Variants in FAM193A observed in about 807,000 individuals in gnomAD.
FAM193A encodes the protein protein FAM193A.
FAM193A carries 22 observed loss-of-function variants against 126.5 expected under a neutral mutation model. The ratio of observed to expected loss-of-function variants is 0.17; its 90% CI spans 0.12 to 0.25. The LOEUF is 0.25. FAM193A is among the 10% of genes least tolerant of loss of function. The pLI, the probability that FAM193A is intolerant of heterozygous loss-of-function variation, is 1.00. For synonymous variants in FAM193A, 761 were observed against 646.8 expected, an observed-to-expected ratio of 1.18 and a Z score of -2.68; for missense variants, 1,675 against 1,672.8, an observed-to-expected ratio of 1.00 and a Z score of -0.02.
chr4:2,652,579 T>C (rs1577141756), intron 7 of FAM193A, among the ~76,000 whole-genome samples: 1 of 150,398 alleles, frequency 6.6e-6, no homozygotes, highest in African/African-American at 2.5e-5. Flanking sequence ...GGTGGGGAGG[T>C]GCTACACACT....
chr4:2,714,095 G>A (rs913639729), intron 19 of FAM193A, among the ~76,000 whole-genome samples: 2 of 152,074 alleles, frequency 1.3e-5, no homozygotes, highest in African/African-American at 2.4e-5. Context: ...TCCTCAAGTT[G>A]GAGCTCTTTT....
At chr4:2,723,015 T>C (rs1385514432) in intron 20 of FAM193A, among the ~76,000 whole-genome samples, 2 of 152,180 alleles carry the variant, frequency 1.3e-5, no homozygotes, top group African/African-American at 4.8e-5. Flanking sequence ...GGCTCGCACC[T>C]GTAATCCCAG....
At chr4:2,637,911 G>C (rs138998460) in intron 5 of FAM193A, among the ~76,000 whole-genome samples, 20 of 152,346 alleles carry the variant, frequency 1.3e-4, no homozygotes, top group African/African-American at 4.8e-4. Flanking sequence ...TGTGAAGTGA[G>C]TCTGATATCT....
At chr4:2,638,169 G>A (rs1560507153) in intron 5 of FAM193A, among the ~76,000 whole-genome samples, 1 of 152,218 alleles carries the variant, frequency 6.6e-6, no homozygotes. Flanking sequence ...TGATCCAGGT[G>A]CTGCATTCAC....
At chr4:2,695,438 G>A (rs372359367) in intron 17 of FAM193A, among the ~76,000 whole-genome samples, 5 of 152,202 alleles carry the variant, frequency 3.3e-5, no homozygotes, top group Admixed American at 1.3e-4. Flanking sequence ...CGACAGCAGC[G>A]TTGTGTGTGT....
At chr4:2,720,151 C>T (rs1719973962) in intron 20 of FAM193A, 1 of 154,924 alleles carries the variant, frequency 6.5e-6, no homozygotes, top group Non-Finnish European at 1.5e-5. Context: ...GCCATATGAT[C>T]ATGGCTTAGT....
intron 1 of FAM193A, among the ~76,000 whole-genome samples, chr4:2,547,872 A>C (rs559916193): frequency 6.6e-6 from 1 of 150,552 alleles, no homozygotes; most frequent in South Asian, 2.1e-4. Flanking sequence ...TGATCTGCCC[A>C]CCTTGGCCTC....
chr4:2,598,408 C>T (rs146185335), intron 2 of FAM193A, among the ~76,000 whole-genome samples: 115 of 152,152 alleles, frequency 7.6e-4, no homozygotes, highest in Middle Eastern at 3.4e-3. Context: ...TTGAAAAAAG[C>T]TGCTATGAAC....
At chr4:2,618,858 A>T (rs1395718236) in intron 2 of FAM193A, among the ~76,000 whole-genome samples, 1 of 151,892 alleles carries the variant, frequency 6.6e-6, no homozygotes, top group African/African-American at 2.4e-5. Flanking sequence ...GGCCTCCCAA[A>T]GTGTTGCGAT....
chr4:2,625,371 C>T lies in FAM193A; in HGVS notation c.611C>T (p.Ser204Leu). 2.8e-6 allele frequency: 2 copies of T among 702,722 alleles called. No individual in the cohort carries two copies. Among genetic ancestry groups the T allele is most frequent in the East Asian group, 2.7e-5 (1 of 37,286 alleles). The allele number at this position is 702,722 out of a possible 1,614,324, so 43.5% of individuals were successfully genotyped here. Reference protein sequence around the residue: ...AQTLPSDTACSCEACSERREI... With the variant: ...AQTLPSDTACLCEACSERREI... ...ACGCTGCCTTCAGACACCGCATGCTCGTGCGAGGCCTGCAGTGAGCGCAGG... is the reference window on the plus strand; with the variant it reads ...ACGCTGCCTTCAGACACCGCATGCTTGTGCGAGGCCTGCAGTGAGCGCAGG... Residue 204 changes from serine (S) to leucine (L), a missense_variant, in exon 3 of 21, where the codon TCG becomes TTG. Physicochemically the swap from Ser to Leu is moderately radical, Grantham distance 145. Coordinates refer to ENST00000637812, the MANE Select transcript of FAM193A (RefSeq NM_001366318.2).
intron 18 of FAM193A, 102 bp from the exon 19 acceptor site, chr4:2,699,578 G>A (rs1369780463): frequency 8.7e-7 from 1 of 1,147,046 alleles, no homozygotes; most frequent in African/African-American, 1.5e-5. Context: ...CAGAGTTTAT[G>A]TTCCATATGT....
intron 15 of FAM193A, among the ~76,000 whole-genome samples, chr4:2,691,241 TCTCA>T (rs1461591729): frequency 6.6e-6 from 1 of 152,260 alleles, no homozygotes; most frequent in Non-Finnish European, 1.5e-5. Flanking sequence ...TGAGTTAGGG[TCTCA>T]CTCTTGTTCG....
At chr4:2,722,189 G>A (rs1251470795) in intron 20 of FAM193A, among the ~76,000 whole-genome samples, 2 of 152,182 alleles carry the variant, frequency 1.3e-5, no homozygotes, top group Non-Finnish European at 2.9e-5. Context: ...GATTCTCCCT[G>A]CTGGTTATGT....
chr4:2,571,883 A>C (rs1304388198), intron 1 of FAM193A, among the ~76,000 whole-genome samples: 8 of 147,640 alleles, frequency 5.4e-5, no homozygotes. Flanking sequence ...TCTTGGTCAA[A>C]GGCCAGGCGC....
chr4:2,639,836 GCC>G lies in FAM193A; in HGVS notation c.1142_1143del (p.Pro381ArgfsTer18). 1 of 1,614,050 alleles carries G rather than the reference GCC, an allele frequency of 6.2e-7. No homozygotes were observed. Among genetic ancestry groups the G allele is most frequent in the Non-Finnish European group, 8.5e-7 (1 of 1,179,964 alleles). Reference sequence around the variant, plus strand: ...CGGAGCCACTTCTTCAGAGCAACTTGCCCGCACTGGTGTCACAGATCAGGTAT... The same window carrying G: ...CGGAGCCACTTCTTCAGAGCAACTTGCGCACTGGTGTCACAGATCAGGTAT... ...FSEPLLQSNL[P>X]ALVSQIRLGT... On this transcript the variant is annotated frameshift_variant, in exon 6 of 21. Coordinates refer to ENST00000637812, the MANE Select transcript of FAM193A (RefSeq NM_001366318.2). LOFTEE classifies it high-confidence loss of function.
intron 12 of FAM193A, among the ~76,000 whole-genome samples, chr4:2,665,644 G>C (rs1244441336): frequency 6.6e-6 from 1 of 152,002 alleles, no homozygotes; most frequent in Non-Finnish European, 1.5e-5. Context: ...AGGTAGCTAG[G>C]ACTACAGGTG....
At chr4:2,558,220 G>C (rs1738381018) in intron 1 of FAM193A, among the ~76,000 whole-genome samples, 1 of 150,422 alleles carries the variant, frequency 6.6e-6, no homozygotes, top group African/African-American at 2.5e-5. Flanking sequence ...AGTGAGCCTA[G>C]ATCGTGCTAC....
chr4:2,697,818 T>C lies in FAM193A; in HGVS notation c.3507+1225T>C, dbSNP rs143702458. Reference sequence around the variant, plus strand: ...GACTGCTGGAGTGCAGAGAACACAGTGTGTCCTCCATTCAGGAGCGTCCAG... The same window carrying C: ...GACTGCTGGAGTGCAGAGAACACAGCGTGTCCTCCATTCAGGAGCGTCCAG... On this transcript the variant is annotated intron_variant, in intron 18 of 20. Coordinates refer to ENST00000637812, the MANE Select transcript of FAM193A (RefSeq NM_001366318.2). Among the ~76,000 whole-genome samples the C allele has an allele frequency of 3.0e-4, 45 of 152,288 alleles. No individual in the cohort carries two copies. The South Asian group carries it at 5.4e-3, about 18-fold the overall frequency.
intron 6 of FAM193A, among the ~76,000 whole-genome samples, chr4:2,642,339 G>A (rs756515231): frequency 3.3e-5 from 5 of 152,086 alleles, no homozygotes; most frequent in South Asian, 2.1e-4. Flanking sequence ...AAGGTGTTAC[G>A]GGGCGTGTGG....
Sources: gnomAD v4.1 joint callset for allele counts (sites outside exome capture counted in the v4.1 genomes callset) on GRCh38, gnomAD v4.1.1 for gene constraint, MANE v1.5 for transcripts, NCBI Gene and HGNC (gene_info 2026-07-23, HGNC 2026-07-21) for gene names.